The following TMEM132D variants were observed in gnomAD, a reference collection of about 807,000 sequenced individuals.
TMEM132D encodes transmembrane protein 132D.
In TMEM132D, 21 loss-of-function variants were observed where a neutral mutation model predicts 62.3. The observed-to-expected ratio is 0.34, with a 90% confidence interval of 0.24 to 0.49. The LOEUF is 0.49. Ranked by LOEUF, TMEM132D falls within the 20% of genes least tolerant of loss-of-function variation. TMEM132D has a pLI of 0.99. For synonymous variants in TMEM132D, 621 were observed against 575.6 expected (o/e 1.08, Z -1.13); for missense variants, 1,346 against 1,402.8 (o/e 0.96, Z 0.65).
rs373395722 is a variant in TMEM132D, at chr12:129,672,858, C to G, written c.968+26952G>C. Among the ~76,000 whole-genome samples, 66 of 152,312 alleles carry G rather than the reference C, an allele frequency of 4.3e-4. No homozygotes were observed. The South Asian group carries it at 0.013, about 30-fold the overall frequency. ...TGCCTCCCGGGTTCAAGCGATTCTC[C>G]TGCCTCAGCCTCTCCAGTAGCTGGG... On this transcript the variant is annotated intron_variant, in intron 2 of 8. Transcript: ENST00000422113.
chr12:129,240,429 T>A lies in TMEM132D; in HGVS notation c.1300-30766A>T, dbSNP rs138044063. 2.6e-5 allele frequency among the ~76,000 whole-genome samples: 4 copies of A among 152,252 alleles called. No homozygotes were observed. In the East Asian group the frequency reaches 7.7e-4, roughly 29 times the overall value. ...TAAAGGCAGGCTGACGTAGCTGAAA[T>A]ACAGTAAAATCTTAGAAAATTTTTG... On this transcript the variant is annotated intron_variant, in intron 4 of 8. Transcript: ENST00000422113.
intron 5 of TMEM132D, among the ~76,000 whole-genome samples, chr12:129,132,101 T>C (rs1876391892): frequency 6.6e-6 from 1 of 152,196 alleles, no homozygotes; most frequent in Non-Finnish European, 1.5e-5. Flanking sequence ...CAATAAGTAA[T>C]TTATAAGGCA....
At chr12:129,605,195 C>T (rs939426126) in intron 2 of TMEM132D, among the ~76,000 whole-genome samples, 7 of 152,006 alleles carry the variant, frequency 4.6e-5, no homozygotes, top group Non-Finnish European at 8.8e-5. Flanking sequence ...GTGTGACACC[C>T]AAAAACCCAT....
chr12:129,597,953 G>A (rs746074599), intron 2 of TMEM132D, among the ~76,000 whole-genome samples: 2 of 152,150 alleles, frequency 1.3e-5, no homozygotes, highest in Admixed American at 6.5e-5. Context: ...CCATTTGAAT[G>A]AGGTCAGAAG....
At chr12:129,099,820 T>A (rs528662666) in intron 5 of TMEM132D, among the ~76,000 whole-genome samples, 3 of 141,882 alleles carry the variant, frequency 2.1e-5, no homozygotes, top group African/African-American at 3.1e-5. Context: ...TTTTTTATTT[T>A]TTTTATTTTT....
intron 1 of TMEM132D, among the ~76,000 whole-genome samples, chr12:129,865,933 G>A (rs942435637): frequency 6.6e-6 from 1 of 152,182 alleles, no homozygotes; most frequent in Admixed American, 6.5e-5. Flanking sequence ...CTCTCTTGCA[G>A]TGCTATAGGT....
chr12:129,524,068 C>T (rs1035395350), intron 3 of TMEM132D, among the ~76,000 whole-genome samples: 3 of 151,882 alleles, frequency 2.0e-5, no homozygotes, highest in Non-Finnish European at 2.9e-5. Flanking sequence ...ACATCACACA[C>T]CGGGGCCTGT....
At chr12:129,678,322 A>C (rs563741254) in intron 2 of TMEM132D, among the ~76,000 whole-genome samples, 25 of 152,294 alleles carry the variant, frequency 1.6e-4, no homozygotes, top group Admixed American at 5.2e-4. Context: ...TGCTATTATC[A>C]GATTGCTTAA....
At chr12:129,573,733 A>C (rs75632139) in intron 2 of TMEM132D, among the ~76,000 whole-genome samples, 2,079 of 152,250 alleles carry the variant, frequency 0.014, 37 homozygotes, top group African/African-American at 0.047. Flanking sequence ...CGTTGATGGC[A>C]AGGGCAGGCA....
intron 2 of TMEM132D, among the ~76,000 whole-genome samples, chr12:129,578,787 CAG>C (rs1877758303): frequency 1.3e-5 from 2 of 152,224 alleles, no homozygotes; most frequent in Non-Finnish European, 1.5e-5. Context: ...AGCAACTGGT[CAG>C]AGTTAATTCA....
intron 5 of TMEM132D, among the ~76,000 whole-genome samples, chr12:129,202,994 G>A (rs1331368609): frequency 2.6e-5 from 4 of 152,188 alleles, no homozygotes; most frequent in Admixed American, 1.3e-4. Context: ...TACATGCCTA[G>A]TGTTAAGTTT....
chr12:129,123,227 A>G lies in TMEM132D; in HGVS notation c.1444-38525T>C, dbSNP rs574149149. ...AAGCCAATTTAGAAAAAGGTATTAC[A>G]TAGGTGGTTCAAGCTGTTACTTAAT... On this transcript the variant is annotated intron_variant, in intron 5 of 8. Transcript: ENST00000422113. Among the ~76,000 whole-genome samples the G allele has an allele frequency of 5.3e-4, 81 of 152,326 alleles. 1 individual carries two copies. Among genetic ancestry groups the G allele is most frequent in the Admixed American group, 2.9e-3 (45 of 15,294 alleles).
At chr12:129,117,883 G>C (rs1177740084) in intron 5 of TMEM132D, among the ~76,000 whole-genome samples, 2 of 152,022 alleles carry the variant, frequency 1.3e-5, no homozygotes, top group Non-Finnish European at 2.9e-5. Context: ...ATTACTATTT[G>C]TCATAAAAAT....
intron 2 of TMEM132D, among the ~76,000 whole-genome samples, chr12:129,653,473 A>G (rs1879985075): frequency 6.6e-6 from 1 of 152,144 alleles, no homozygotes; most frequent in Non-Finnish European, 1.5e-5. Flanking sequence ...TTTTTCTTTG[A>G]GGCTAACTGA....
intron 3 of TMEM132D, among the ~76,000 whole-genome samples, chr12:129,527,609 T>C (rs902796034): frequency 6.6e-6 from 1 of 152,174 alleles, no homozygotes; most frequent in Non-Finnish European, 1.5e-5. Context: ...ATCATTTACA[T>C]ATCAACCGTG....
intron 3 of TMEM132D, among the ~76,000 whole-genome samples, chr12:129,431,326 T>A (rs1171894281): frequency 6.6e-6 from 1 of 152,186 alleles, no homozygotes; most frequent in Non-Finnish European, 1.5e-5. Context: ...GTTCTCCCTC[T>A]CTGCTTCAGA....
intron 3 of TMEM132D, among the ~76,000 whole-genome samples, chr12:129,400,785 T>C (rs1167809130): frequency 6.6e-6 from 1 of 152,232 alleles, no homozygotes; most frequent in Non-Finnish European, 1.5e-5. Flanking sequence ...AAATATATAA[T>C]ATTTTTCAAA....
Position 129,334,558 on chromosome 12 carries a change from C to T in TMEM132D, c.1299+3076G>A, listed in dbSNP as rs146950677. Among the ~76,000 whole-genome samples, 222 of 152,246 alleles carry T rather than the reference C, an allele frequency of 1.5e-3. 3 individuals carry two copies. In the East Asian group the frequency reaches 0.035, roughly 24 times the overall value. ...CAGCAGTCTGGCTCTCCACTTAGTT[C>T]GAAAGGAAGCCACTCAGAGCCCATT... is the stretch of plus-strand genomic sequence containing the variant. On this transcript the variant is annotated intron_variant, in intron 4 of 8. Coordinates refer to ENST00000422113, the MANE Select transcript of TMEM132D (RefSeq NM_133448.3).
At chr12:129,698,765 G>A (rs1477099543) in intron 2 of TMEM132D, among the ~76,000 whole-genome samples, 21 of 132,258 alleles carry the variant, frequency 1.6e-4, no homozygotes, top group Non-Finnish European at 2.7e-4. Context: ...AGAGGGGAGG[G>A]AGAAAGAGAG....
Sources: gnomAD v4.1 joint callset for allele counts (sites outside exome capture counted in the v4.1 genomes callset) on GRCh38, gnomAD v4.1.1 for gene constraint, MANE v1.5 for transcripts, NCBI Gene and HGNC (gene_info 2026-07-23, HGNC 2026-07-21) for gene names.